The following CEP152 variants were observed in gnomAD, a reference collection of about 807,000 sequenced individuals.
CEP152 encodes centrosomal protein of 152 kDa.
A neutral mutation model predicts 188.9 loss-of-function variants in CEP152; 132 were observed. The observed-to-expected ratio is 0.70, with a 90% CI of 0.61 to 0.81. The LOEUF (loss-of-function observed/expected upper bound fraction) is 0.81, where lower values mean the gene tolerates loss of function less well. CEP152 is among the 30% of genes least tolerant of loss of function. CEP152 has a pLI of 0.00. For missense variants in CEP152, 1,914 were observed against 1,969.8 expected (o/e 0.97, Z 0.54); for synonymous variants, 649 against 666.6 (o/e 0.97, Z 0.41).
intron 5 of CEP152, among the ~76,000 whole-genome samples, chr15:48,796,685 A>T (rs1897322676): frequency 6.6e-6 from 1 of 152,192 alleles, no homozygotes. Flanking sequence ...TCATTGCGTG[A>T]CACAGACTAG....
downstream of CEP152, among the ~76,000 whole-genome samples, chr15:48,737,215 T>A (rs1892651198): frequency 6.6e-6 from 1 of 152,204 alleles, no homozygotes; most frequent in Non-Finnish European, 1.5e-5. Context: ...ACCTAAGTTA[T>A]CTGGCTCTGG....
downstream of CEP152, among the ~76,000 whole-genome samples, chr15:48,736,866 G>A (rs1483320553): frequency 6.6e-6 from 1 of 152,098 alleles, no homozygotes. Flanking sequence ...TAAAAACAAG[G>A]GCTTAAAACG....
chr15:48,777,824 C>T (rs1309539889), intron 12 of CEP152, among the ~76,000 whole-genome samples: 2 of 152,126 alleles, frequency 1.3e-5, no homozygotes, highest in African/African-American at 2.4e-5. Flanking sequence ...TTACTGAATG[C>T]TGACCACTGA....
intron 5 of CEP152, among the ~76,000 whole-genome samples, chr15:48,797,079 G>A (rs543858379): frequency 2.0e-5 from 3 of 152,208 alleles, no homozygotes; most frequent in Non-Finnish European, 4.4e-5. Context: ...TGTCCAAAGA[G>A]CCTCTATTTT....
Position 48,756,261 on chromosome 15 carries a change from G to A in CEP152, c.2987C>T (p.Ala996Val). ...TTGTTTCATAAAGTCTTCTTTAGCTGCCGCAAGCACCTCATTAATTTTATT... is the reference window on the plus strand; with the variant it reads ...TTGTTTCATAAAGTCTTCTTTAGCTACCGCAAGCACCTCATTAATTTTATT... ...HRNKINEVLA[A>V]AKEDFMKQKT... The change falls in exon 20 of 27, where the codon GCA (alanine) becomes GTA (valine). Residue 996 changes from alanine (A) to valine (V), a missense_variant. Ala to Val is a moderately conservative substitution (Grantham distance 64, BLOSUM62 0). Transcript: ENST00000380950. The A allele has an allele frequency of 1.9e-6, 3 of 1,596,992 alleles. No homozygotes were observed. Among genetic ancestry groups the A allele is most frequent in the Non-Finnish European group, 2.6e-6 (3 of 1,171,792 alleles).
chr15:48,763,382 A>G (rs143721202), intron 17 of CEP152, among the ~76,000 whole-genome samples: 1 of 152,350 alleles, frequency 6.6e-6, no homozygotes, highest in Non-Finnish European at 1.5e-5. Context: ...AGATAAAAGA[A>G]TCTAGTTGAG....
chr15:48,738,434 C>T lies in CEP152; in HGVS notation c.4948G>A (p.Gly1650Arg). Reference protein sequence around the residue: ...LSEETTYLEPGKISVNCGHPS... With the variant: ...LSEETTYLEPRKISVNCGHPS... The stretch of plus-strand genomic sequence containing the variant: ...TGTCCACAATTCACACTGATCTTTC[C>T]TGGCTCCAAATACGTGGTTTCTTCT... Residue 1650 changes from glycine to arginine, a missense_variant, in exon 27 of 27, where the codon GGA becomes AGA. Coordinates refer to ENST00000380950, the MANE Select transcript of CEP152 (RefSeq NM_001194998.2). 1 of 1,614,212 alleles carries T rather than the reference C, an allele frequency of 6.2e-7. No individual in the cohort carries two copies. The highest frequency in any genetic ancestry group is 8.5e-7 in the Non-Finnish European group (1 of 1,180,018).
At chr15:48,770,518 C>G (rs1325621116) in intron 13 of CEP152, among the ~76,000 whole-genome samples, 1 of 152,232 alleles carries the variant, frequency 6.6e-6, no homozygotes, top group Middle Eastern at 3.4e-3. Context: ...TAATACAGAA[C>G]AAAGAAAGCA....
chr15:48,781,943 G>A (rs764187366), intron 11 of CEP152, among the ~76,000 whole-genome samples, 196 bp downstream of exon 11: 6 of 152,150 alleles, frequency 3.9e-5, no homozygotes, highest in Non-Finnish European at 5.9e-5. Flanking sequence ...GAAGTGCAGG[G>A]CCTTGGCTCT....
At chr15:48,806,946 T>G in intron 1 of CEP152, among the ~76,000 whole-genome samples, 1 of 152,206 alleles carries the variant, frequency 6.6e-6, no homozygotes, top group African/African-American at 2.4e-5. Flanking sequence ...AAGATTAACA[T>G]ACATATGAAC....
At chr15:48,755,230 T>G (rs987604279) in intron 20 of CEP152, among the ~76,000 whole-genome samples, 4 of 152,208 alleles carry the variant, frequency 2.6e-5, no homozygotes, top group Admixed American at 6.5e-5. Context: ...TGCACATATA[T>G]AGTACATCCA....
chr15:48,781,119 C>A lies in CEP152; in HGVS notation c.1577+77G>T, dbSNP rs1595666408. On this transcript the variant is annotated intron_variant, in intron 12 of 26. Transcript: ENST00000380950. ...ACATATGAAAATAATACGCTCTCACCTTAAAACAGATACCATGCATCATCA... is the reference window on the plus strand; with the variant it reads ...ACATATGAAAATAATACGCTCTCACATTAAAACAGATACCATGCATCATCA... 4 of 1,311,716 alleles carry A rather than the reference C, an allele frequency of 3.0e-6. No individual in the cohort carries two copies. The East Asian group carries it at 9.3e-5, about 30-fold the overall frequency. 81.3% of individuals were successfully genotyped at this position (1,311,716 alleles called of 1,614,324 possible). A position where few individuals can be genotyped will look rare whatever the true frequency, so the allele number is the denominator to read the frequency against.
At chr15:48,796,959 T>A (rs1011292804) in intron 5 of CEP152, among the ~76,000 whole-genome samples, 2 of 152,126 alleles carry the variant, frequency 1.3e-5, no homozygotes, top group African/African-American at 4.8e-5. Flanking sequence ...AAAACTACAA[T>A]AAGAGACCTG....
intron 23 of CEP152, 146 bp downstream of exon 23, chr15:48,744,750 G>GT: frequency 1.4e-6 from 1 of 737,742 alleles, no homozygotes; most frequent in Non-Finnish European, 2.2e-6. Flanking sequence ...TCACTAGAGG[G>GT]TATCTTCAGG....
intron 26 of CEP152, chr15:48,741,118 A>G (rs16961518): frequency 1.0e-6 from 1 of 990,348 alleles, no homozygotes; most frequent in African/African-American, 1.9e-5. Context: ...CTTCTGGTCT[A>G]TCCACTGCAA....
chr15:48,732,214 C>T (rs1006355632), intron 2 of CEP152, among the ~76,000 whole-genome samples: 6 of 152,190 alleles, frequency 3.9e-5, no homozygotes, highest in Admixed American at 3.3e-4. Context: ...AATCAATCTG[C>T]TATAAATACA....
intron 12 of CEP152, among the ~76,000 whole-genome samples, chr15:48,775,491 G>A (rs546303473): frequency 2.0e-5 from 3 of 152,174 alleles, no homozygotes; most frequent in South Asian, 2.1e-4. Flanking sequence ...CAGAGAGAGT[G>A]GACCAACATA....
intron 9 of CEP152, among the ~76,000 whole-genome samples, chr15:48,785,150 A>G (rs1176147484): frequency 6.6e-6 from 1 of 152,210 alleles, no homozygotes; most frequent in Non-Finnish European, 1.5e-5. Context: ...AGTATAACCT[A>G]AAGCCCAATA....
chr15:48,806,202 C>T (rs764232845), intron 1 of CEP152, among the ~76,000 whole-genome samples: 1 of 152,104 alleles, frequency 6.6e-6, no homozygotes, highest in Non-Finnish European at 1.5e-5. Flanking sequence ...TAAATGTCCT[C>T]CTCTTAAGCT....
Sources: gnomAD v4.1 joint callset for allele counts (sites outside exome capture counted in the v4.1 genomes callset) on GRCh38, gnomAD v4.1.1 for gene constraint, MANE v1.5 for transcripts, NCBI Gene and HGNC (gene_info 2026-07-23, HGNC 2026-07-21) for gene names.